MBTPS2: variants seen among roughly 807,000 people sequenced by gnomAD.
MBTPS2 encodes the protein membrane bound transcription factor peptidase, site 2, also known as membrane-bound transcription factor site-2 protease.
A neutral mutation model predicts 35.4 loss-of-function variants in MBTPS2; 2 were observed. The observed-to-expected ratio is 0.06, with a 90% CI of 0.02 to 0.18. The LOEUF is 0.18. Among genes scored for constraint, MBTPS2 ranks in the 10% least tolerant of loss-of-function variants. The probability of loss-of-function intolerance (pLI) is 1.00; values close to 1 mark genes in which losing one functional copy is unlikely to be tolerated. For synonymous variants in MBTPS2, 125 were observed against 140.4 expected (o/e 0.89, Z 0.77); for missense variants, 244 against 386.5 (o/e 0.63, Z 3.09).
intron 5 of MBTPS2, chrX:21,857,412 C>T (rs139137499): frequency 9.9e-6 from 12 of 1,212,307 alleles, no homozygotes; most frequent in South Asian, 5.3e-5. Context: ...CGGCGAGAAG[C>T]CCTTTCAGTG....
rs542223686 is a variant in MBTPS2, at chrX:21,862,933, CATATATATATATAT to C, written c.671-5512_671-5499del. 2.8e-3 allele frequency among the ~76,000 whole-genome samples: 78 copies of C among 27,685 alleles called. 2 individuals are homozygous for C. Among genetic ancestry groups the C allele is most frequent in the East Asian group, 0.02 (6 of 304 alleles). The allele number at this position is 27,685 out of a possible 115,157, so 24.0% of individuals were successfully genotyped here. Reference sequence around the variant, plus strand: ...AAATATATAAACATATATATATAAACATATATATATATATATATATATATATATATATATAAAAC... The same window carrying C: ...AAATATATAAACATATATATATAAACATATATATATATATATATATAAAAC... On this transcript the variant is annotated intron_variant, in intron 5 of 10. Coordinates refer to ENST00000379484, the MANE Select transcript of MBTPS2 (RefSeq NM_015884.4).
At chrX:21,849,307 C>A (rs774741229) in intron 3 of MBTPS2, among the ~76,000 whole-genome samples, 2 of 112,290 alleles carry the variant, frequency 1.8e-5, no homozygotes, top group South Asian at 7.3e-4. Flanking sequence ...TTGAAGTGAT[C>A]TTACGGATCA....
At chrX:21,848,986 T>A (rs1220830897) in intron 3 of MBTPS2, among the ~76,000 whole-genome samples, 1 of 112,417 alleles carries the variant, frequency 8.9e-6, no homozygotes. Context: ...AAACCATGAA[T>A]ATTTTTTATG....
intron 1 of MBTPS2, among the ~76,000 whole-genome samples, chrX:21,841,271 G>C (rs2092902239): frequency 9.0e-6 from 1 of 111,452 alleles, no homozygotes; most frequent in Non-Finnish European, 1.9e-5. Flanking sequence ...AAATTTAAAA[G>C]TTAGCCAACC....
intron 3 of MBTPS2, among the ~76,000 whole-genome samples, chrX:21,850,784 A>G (rs2092913931): frequency 9.0e-6 from 1 of 111,187 alleles, no homozygotes; most frequent in African/African-American, 3.3e-5. Flanking sequence ...TTGTAAGACA[A>G]CTCCTGCTTC....
chrX:21,856,310 CTGCAGCTCGCGCCTT>C (rs2092921678), intron 5 of MBTPS2: 10 of 376,882 alleles, frequency 2.7e-5, no homozygotes, highest in South Asian at 1.5e-4. Flanking sequence ...GCGCCTTTCT[CTGCAGCTCGCGCCTT>C]TCTCTGCAGC....
intron 5 of MBTPS2, among the ~76,000 whole-genome samples, chrX:21,864,950 C>T (rs1358403668): frequency 3.9e-5 from 4 of 103,695 alleles, no homozygotes; most frequent in African/African-American, 1.1e-4. Flanking sequence ...GTACAATCAC[C>T]GCTCACTGCA....
chrX:21,857,890 G>C (rs1480121663), intron 5 of MBTPS2: 1 of 243,624 alleles, frequency 4.1e-6, no homozygotes, highest in Non-Finnish European at 7.6e-6. Flanking sequence ...TTCACATCAA[G>C]AGACGGTTCT....
At chrX:21,877,987 G>T in intron 7 of MBTPS2, 55 bp from the exon 8 acceptor site, 1 of 801,589 alleles carries the variant, frequency 1.2e-6, no homozygotes, top group Non-Finnish European at 1.9e-6. Flanking sequence ...GGCATTTTTT[G>T]TTACAAATGT....
intron 7 of MBTPS2, among the ~76,000 whole-genome samples, chrX:21,875,993 T>C (rs771714952): frequency 1.8e-5 from 2 of 111,517 alleles, no homozygotes; most frequent in Non-Finnish European, 3.8e-5. Context: ...TGAGAAGGAA[T>C]TAGTCTGCAC....
chrX:21,842,200 A>G (rs1265434810), intron 1 of MBTPS2, among the ~76,000 whole-genome samples: 1 of 111,904 alleles, frequency 8.9e-6, no homozygotes. Flanking sequence ...CCAAAATCCT[A>G]TATTAGTCAA....
At chrX:21,840,068 G>T (rs987299639) in intron 1 of MBTPS2, among the ~76,000 whole-genome samples, 14 of 112,177 alleles carry the variant, frequency 1.2e-4, no homozygotes, top group Admixed American at 5.6e-4. Context: ...AGGCGCCAGT[G>T]GTGGGATCGG....
chrX:21,862,786 G>C (rs2092933078), intron 5 of MBTPS2, among the ~76,000 whole-genome samples: 1 of 101,837 alleles, frequency 9.8e-6, no homozygotes, highest in African/African-American at 3.5e-5. Context: ...ACTCCAGCCT[G>C]GGCGACAGAA....
chrX:21,860,291 T>G (rs556926613), intron 5 of MBTPS2, among the ~76,000 whole-genome samples: 2 of 110,356 alleles, frequency 1.8e-5, no homozygotes, highest in East Asian at 5.8e-4. Context: ...ATAGCACCTG[T>G]AATTCCAGCT....
chrX:21,862,752 A>G (rs1169862871), intron 5 of MBTPS2, among the ~76,000 whole-genome samples: 8 of 103,729 alleles, frequency 7.7e-5, no homozygotes, highest in African/African-American at 2.8e-4. Context: ...CGGAGCTTGC[A>G]GTGAGCCGAG....
At chrX:21,859,817 G>A (rs192643102) in intron 5 of MBTPS2, among the ~76,000 whole-genome samples, 10 of 111,882 alleles carry the variant, frequency 8.9e-5, no homozygotes, top group African/African-American at 2.9e-4. Flanking sequence ...ATAGTGCCAG[G>A]TGCAGGGGCT....
intron 5 of MBTPS2, chrX:21,857,093 G>A: frequency 8.3e-7 from 1 of 1,211,890 alleles, no homozygotes. Flanking sequence ...GTGAAGGCCA[G>A]GCTGAAAACC....
chrX:21,852,720 C>CT (rs936629514), intron 4 of MBTPS2, among the ~76,000 whole-genome samples: 2 of 109,244 alleles, frequency 1.8e-5, no homozygotes, highest in African/African-American at 6.7e-5. Flanking sequence ...TTAGGTGATA[C>CT]TTTTTTCTAG....
chrX:21,864,651 G>A (rs1200286834), intron 5 of MBTPS2, among the ~76,000 whole-genome samples: 2 of 109,738 alleles, frequency 1.8e-5, no homozygotes, highest in Admixed American at 9.8e-5. Context: ...GCAAGATTCC[G>A]TCTCTACTAA....
Sources: allele counts gnomAD v4.1 joint callset (sites outside exome capture counted in the v4.1 genomes callset), GRCh38; gene constraint gnomAD v4.1.1; transcripts MANE v1.5; gene names NCBI Gene and HGNC (gene_info 2026-07-23, HGNC 2026-07-21).